INPP5D: variants seen among roughly 807,000 people sequenced by gnomAD.
INPP5D encodes inositol polyphosphate-5-phosphatase D.
Under a neutral mutation model 122.9 loss-of-function variants are expected in INPP5D, and 33 were observed. The observed-to-expected ratio is 0.27, with a 90% CI of 0.20 to 0.36. INPP5D has a LOEUF of 0.36. Among genes scored for constraint, INPP5D ranks in the 10% least tolerant of loss-of-function variants. The pLI is 1.00. For missense variants in INPP5D, 1,053 were observed against 1,412.7 expected (o/e 0.75, Z 4.08); for synonymous variants, 584 against 576.2 (o/e 1.01, Z -0.19).
chr2:233,201,398 A>C (rs547606909), intron 25 of INPP5D, among the ~76,000 whole-genome samples: 1 of 152,218 alleles, frequency 6.6e-6, no homozygotes, highest in Admixed American at 6.5e-5. Flanking sequence ...CCACAGCCCC[A>C]TGGTGACAGC....
At chr2:233,147,153 T>A (rs1431910754) in intron 8 of INPP5D, among the ~76,000 whole-genome samples, 1 of 152,212 alleles carries the variant, frequency 6.6e-6, no homozygotes, top group African/African-American at 2.4e-5. Flanking sequence ...AGGTGACACA[T>A]CAGATTAATG....
intron 9 of INPP5D, among the ~76,000 whole-genome samples, chr2:233,152,436 C>T (rs957270404): frequency 6.6e-6 from 1 of 152,096 alleles, no homozygotes; most frequent in Admixed American, 6.5e-5. Context: ...CTTTGGGATG[C>T]GAAGGTGAAC....
At chr2:233,204,881 G>A in intron 26 of INPP5D, 164 bp downstream of exon 26, 1 of 1,165,226 alleles carries the variant, frequency 8.6e-7, no homozygotes, top group Non-Finnish European at 1.1e-6. Flanking sequence ...TGATGGTCCT[G>A]GGAACTGCTC....
chr2:233,201,550 C>T (rs576495144), intron 25 of INPP5D, among the ~76,000 whole-genome samples: 2 of 152,354 alleles, frequency 1.3e-5, no homozygotes, highest in South Asian at 4.1e-4. Flanking sequence ...GTCCCAGGCT[C>T]AGCCAGAGCA....
Position 233,189,303 on chromosome 2 carries a change from A to G in INPP5D, c.2359-547A>G, listed in dbSNP as rs1694993055. Among the ~76,000 whole-genome samples the G allele has an allele frequency of 6.6e-6, 1 of 152,250 alleles. No homozygotes were observed. Among genetic ancestry groups the G allele is most frequent in the Non-Finnish European group, 1.5e-5 (1 of 68,036 alleles). On this transcript the variant is annotated intron_variant, in intron 21 of 26. Coordinates refer to ENST00000445964, the MANE Select transcript of INPP5D (RefSeq NM_001017915.3). This position sits in a 1 kb window ranked among gnomAD's most constrained non-coding sequence, Gnocchi z 5.6. ...ACAATCGGTAGGACACTCCAGGCCC[A>G]GCTGGGGGCTCTGCCAGGATGGACA...
At chr2:233,117,040 G>C (rs956751961) in intron 2 of INPP5D, among the ~76,000 whole-genome samples, 1 of 152,240 alleles carries the variant, frequency 6.6e-6, no homozygotes, top group African/African-American at 2.4e-5. Flanking sequence ...GAGTTGCCAC[G>C]GCAGAAATCC....
intron 1 of INPP5D, among the ~76,000 whole-genome samples, chr2:233,076,899 T>C (rs1459077913): frequency 7.2e-5 from 11 of 152,074 alleles, no homozygotes; most frequent in African/African-American, 2.7e-4. Context: ...CACATTCATA[T>C]CCGGTTAGTA....
chr2:233,200,536 G>A (rs1031973629), intron 25 of INPP5D, among the ~76,000 whole-genome samples: 2 of 152,230 alleles, frequency 1.3e-5, no homozygotes, highest in African/African-American at 4.8e-5. Flanking sequence ...CAGCAGCGGT[G>A]TGTTCTCCAT....
At chr2:233,088,245 G>A (rs1290200018) in intron 2 of INPP5D, among the ~76,000 whole-genome samples, 1 of 152,190 alleles carries the variant, frequency 6.6e-6, no homozygotes, top group Non-Finnish European at 1.5e-5. Flanking sequence ...AAAGTGCTGG[G>A]ATTACAGGCA....
chr2:233,195,178 C>T (rs1039979597), intron 23 of INPP5D, among the ~76,000 whole-genome samples: 1 of 152,108 alleles, frequency 6.6e-6, no homozygotes, highest in African/African-American at 2.4e-5. Context: ...CATGAAATGG[C>T]AACTCTGGAT....
At position 233,197,696 on chromosome 2, in the gene INPP5D, G is replaced by T. The variant is rs73111465; in HGVS notation, c.2694-399G>T. Among the ~76,000 whole-genome samples the T allele has an allele frequency of 1.8e-3, 272 of 152,152 alleles. No individual in the cohort carries two copies. The highest frequency in any genetic ancestry group is 6.3e-3 in the African/African-American group (263 of 41,498). The stretch of plus-strand genomic sequence containing the variant: ...CACCTCCTCAGATGGGGCCTCCTGG[G>T]GTCACCCAATGCCCAGTTGGTCCCA... On this transcript the variant is annotated intron_variant, in intron 24 of 26. Transcript: ENST00000445964. This position sits in a 1 kb window ranked among gnomAD's most constrained non-coding sequence, Gnocchi z 4.4.
chr2:233,199,789 A>C (rs986717863), intron 25 of INPP5D, among the ~76,000 whole-genome samples: 3 of 152,106 alleles, frequency 2.0e-5, no homozygotes, highest in Admixed American at 6.5e-5. Context: ...AGATCACACC[A>C]CTGCACTCCA....
chr2:233,154,183 T>C (rs1446585491), intron 9 of INPP5D, among the ~76,000 whole-genome samples: 2 of 152,124 alleles, frequency 1.3e-5, no homozygotes, highest in African/African-American at 4.8e-5. Context: ...AGTTTCACTC[T>C]TGTGGCCCAG....
In INPP5D at chr2:233,189,717, TG is replaced by T; in HGVS notation, c.2359-130del. On this transcript the variant is annotated intron_variant, in intron 21 of 26. Coordinates refer to ENST00000445964, the MANE Select transcript of INPP5D (RefSeq NM_001017915.3). The surrounding 1 kb of genome is among the most constrained non-coding windows in gnomAD (Gnocchi z 5.6). ...GAAAGCTATACCCCACCTGCTCTCT[TG>T]GGTATGGACAGCAGAGATTTAGATC... 7.6e-7 allele frequency: 1 copy of T among 1,321,216 alleles called. No homozygotes were observed. The highest frequency in any genetic ancestry group is 1.5e-5 in the African/African-American group (1 of 67,618). 81.8% of individuals were successfully genotyped at this position (1,321,216 alleles called of 1,614,324 possible).
Position 233,177,601 on chromosome 2 carries a change from T to G in INPP5D, c.2071+255T>G, listed in dbSNP as rs1694672352. ...TTTTCTTTTTCTTTTTGAGACGGAG[T>G]CTCACTCTGTCACCCAGGCTGGAGT... On this transcript the variant is annotated intron_variant, in intron 18 of 26. Coordinates refer to ENST00000445964, the MANE Select transcript of INPP5D (RefSeq NM_001017915.3). The surrounding 1 kb of genome is among the most constrained non-coding windows in gnomAD (Gnocchi z 4.2). Among the ~76,000 whole-genome samples the G allele has an allele frequency of 6.6e-6, 1 of 152,112 alleles. No homozygotes were observed. The highest frequency in any genetic ancestry group is 1.9e-4 in the East Asian group (1 of 5,198).
At chr2:233,155,458 A>G in intron 9 of INPP5D, among the ~76,000 whole-genome samples, 1 of 152,028 alleles carries the variant, frequency 6.6e-6, no homozygotes, top group African/African-American at 2.4e-5. Flanking sequence ...CCCCACCTCT[A>G]CTAAAAATAC....
chr2:233,193,657 T>C (rs1281567894), intron 22 of INPP5D, among the ~76,000 whole-genome samples, 155 bp from the exon 23 acceptor site: 1 of 152,244 alleles, frequency 6.6e-6, no homozygotes, highest in Non-Finnish European at 1.5e-5. Flanking sequence ...TTGAGACATT[T>C]GCCCCCAAAG....
chr2:233,072,396 C>G, intron 1 of INPP5D, among the ~76,000 whole-genome samples: 1 of 151,954 alleles, frequency 6.6e-6, no homozygotes, highest in East Asian at 1.9e-4. Context: ...TGATACAATA[C>G]TTTTTTATTG....
intron 2 of INPP5D, among the ~76,000 whole-genome samples, chr2:233,092,006 A>G (rs1692006252): frequency 6.6e-6 from 1 of 152,238 alleles, no homozygotes; most frequent in South Asian, 2.1e-4. Flanking sequence ...AAGGCCAAGG[A>G]GGGAAGGAGA....
Sources: allele counts gnomAD v4.1 joint callset (sites outside exome capture counted in the v4.1 genomes callset), GRCh38; gene constraint gnomAD v4.1.1; non-coding constraint Gnocchi (gnomAD v3.1); transcripts MANE v1.5; gene names NCBI Gene and HGNC (gene_info 2026-07-23, HGNC 2026-07-21).